MARCHF8: variants seen among roughly 807,000 people sequenced by gnomAD.
The protein encoded by MARCHF8 is membrane associated ring-CH-type finger 8.
A neutral mutation model predicts 51.6 loss-of-function variants in MARCHF8; 40 were observed. The ratio of observed to expected loss-of-function variants is 0.77; its 90% confidence interval spans 0.60 to 1.01. The LOEUF is 1.01. Ranked by LOEUF, MARCHF8 falls within the 50% of genes least tolerant of loss-of-function variation. The probability of loss-of-function intolerance (pLI) is 0.00; values close to 1 mark genes in which losing one functional copy is unlikely to be tolerated. For missense variants in MARCHF8, 685 were observed against 708.6 expected, an observed-to-expected ratio of 0.97 and a Z score of 0.38; for synonymous variants, 263 against 280.3, an observed-to-expected ratio of 0.94 and a Z score of 0.62.
chr10:45,578,303 C>T (rs575448444), intron 1 of MARCHF8, among the ~76,000 whole-genome samples: 2 of 152,248 alleles, frequency 1.3e-5, no homozygotes, highest in South Asian at 4.1e-4. Context: ...TCAAAGAATT[C>T]TGGAGACATA....
intron 3 of MARCHF8, among the ~76,000 whole-genome samples, chr10:45,482,399 C>T (rs2042903918): frequency 2.0e-5 from 3 of 152,154 alleles, no homozygotes; most frequent in Admixed American, 1.3e-4. Context: ...GATCACACTG[C>T]CTGACTTCAA....
At chr10:45,460,114 C>A (rs17523660) in intron 6 of MARCHF8, among the ~76,000 whole-genome samples, 1,739 of 152,256 alleles carry the variant, frequency 0.011, 20 homozygotes, top group Non-Finnish European at 0.014. Context: ...TTTGCACAAG[C>A]CTTCTCTAAA....
At chr10:45,471,635 A>G (rs1429003722) in intron 3 of MARCHF8, among the ~76,000 whole-genome samples, 1 of 152,228 alleles carries the variant, frequency 6.6e-6, no homozygotes, top group Admixed American at 6.5e-5. Context: ...CTCTGAGAGA[A>G]TTCTGGGGCA....
chr10:45,543,633 C>A (rs1381245204), intron 1 of MARCHF8, among the ~76,000 whole-genome samples: 1 of 151,116 alleles, frequency 6.6e-6, no homozygotes, highest in Non-Finnish European at 1.5e-5. Flanking sequence ...CCTGTCTTTA[C>A]TAAAAATACA....
intron 1 of MARCHF8, among the ~76,000 whole-genome samples, chr10:45,587,688 TAA>T (rs1390977336): frequency 3.9e-5 from 6 of 152,178 alleles, no homozygotes; most frequent in Non-Finnish European, 8.8e-5. Context: ...AAACCTCATA[TAA>T]AGTTATAGAT....
intron 2 of MARCHF8, among the ~76,000 whole-genome samples, chr10:45,516,123 T>G (rs959775993): frequency 6.6e-6 from 1 of 152,220 alleles, no homozygotes. Context: ...AATGTGTCCC[T>G]TCTTCCACTT....
intron 3 of MARCHF8, among the ~76,000 whole-genome samples, chr10:45,486,474 G>A (rs1020830597): frequency 2.0e-4 from 30 of 152,274 alleles, no homozygotes; most frequent in African/African-American, 6.0e-4. Context: ...TGAGGCAGGA[G>A]AATTGCTTAA....
At chr10:45,537,690 G>C (rs1360732017), upstream of MARCHF8, among the ~76,000 whole-genome samples, 1 of 150,988 alleles carries the variant, frequency 6.6e-6, no homozygotes, top group East Asian at 1.9e-4. Context: ...ATTATACTAA[G>C]AAGCCAGTCA....
At chr10:45,483,874 AT>A (rs2042933070) in intron 3 of MARCHF8, among the ~76,000 whole-genome samples, 1 of 152,224 alleles carries the variant, frequency 6.6e-6, no homozygotes, top group Non-Finnish European at 1.5e-5. Context: ...AAGTAGAATT[AT>A]AGGTACTAGA....
In MARCHF8 at chr10:45,457,568, G is replaced by A. The variant is rs1351028354; in HGVS notation, c.*671C>T. The A allele has an allele frequency of 1.3e-5, 2 of 152,646 alleles. No individual in the cohort carries two copies. The highest frequency in any genetic ancestry group is 2.4e-5 in the African/African-American group (1 of 41,456). The allele number at this position is 152,646 out of a possible 1,614,324, so 9.5% of individuals were successfully genotyped here. Reference sequence around the variant, plus strand: ...CTCATGATGTAAAGGAGATACAAAGGTAAGGAAGGGAAGATTTCTAAGTGA... The same window carrying A: ...CTCATGATGTAAAGGAGATACAAAGATAAGGAAGGGAAGATTTCTAAGTGA... On this transcript the variant is annotated 3_prime_UTR_variant, in exon 8 of 8. Transcript: ENST00000453424.
rs1213538449 is a variant in MARCHF8, at chr10:45,456,182, T to C, written c.*2057A>G. ...AGTTCCTAAGGGACATTGGCAGGGC[T>C]GACCTGGGATTCAGCTCCCCTGAGT... is the stretch of plus-strand genomic sequence containing the variant. On this transcript the variant is annotated 3_prime_UTR_variant, in exon 8 of 8. Coordinates refer to ENST00000453424, the MANE Select transcript of MARCHF8 (RefSeq NM_001282866.2). The C allele has an allele frequency of 6.6e-6, 1 of 152,348 alleles. No individual in the cohort carries two copies. Among genetic ancestry groups the C allele is most frequent in the East Asian group, 1.9e-4 (1 of 5,198 alleles). 9.4% of individuals were successfully genotyped at this position (152,348 alleles called of 1,614,324 possible). A position where few individuals can be genotyped will look rare whatever the true frequency, so the allele number is the denominator to read the frequency against.
At chr10:45,479,173 T>G (rs985169320) in intron 3 of MARCHF8, among the ~76,000 whole-genome samples, 3 of 152,236 alleles carry the variant, frequency 2.0e-5, no homozygotes, top group Non-Finnish European at 4.4e-5. Flanking sequence ...ATCCCTAGGA[T>G]GCAAGGGTCT....
intron 3 of MARCHF8, among the ~76,000 whole-genome samples, chr10:45,468,307 AGT>A (rs1280276166): frequency 6.6e-6 from 1 of 152,188 alleles, no homozygotes; most frequent in Non-Finnish European, 1.5e-5. Context: ...CAGCTATAGC[AGT>A]GTGTTTACCC....
At chr10:45,491,803 C>G (rs183200805) in intron 2 of MARCHF8, among the ~76,000 whole-genome samples, 1 of 152,334 alleles carries the variant, frequency 6.6e-6, no homozygotes, top group East Asian at 1.9e-4. Flanking sequence ...CTTGGATTAT[C>G]TGTACAGAAA....
chr10:45,561,094 T>C (rs191632753), intron 1 of MARCHF8, among the ~76,000 whole-genome samples: 7 of 152,198 alleles, frequency 4.6e-5, no homozygotes, highest in African/African-American at 1.7e-4. Flanking sequence ...GTCTAGTGCA[T>C]TCAAATATGG....
rs550991720 is a variant in MARCHF8 at position 45,482,441 on chromosome 10, T to C, written c.153+6926A>G. On this transcript the variant is annotated intron_variant, in intron 3 of 7. Coordinates refer to ENST00000453424, the MANE Select transcript of MARCHF8 (RefSeq NM_001282866.2). ...TTACACAAGGCTACAGAAACCAAAA[T>C]AAGCATGGTGTTGTTATAAAAACAG... Among the ~76,000 whole-genome samples, 28 of 152,130 alleles carry C rather than the reference T, an allele frequency of 1.8e-4. 1 individual carries two copies. Among genetic ancestry groups the C allele is most frequent in the Admixed American group, 1.2e-3 (19 of 15,272 alleles).
chr10:45,544,977 T>A (rs2044102215), intron 1 of MARCHF8, among the ~76,000 whole-genome samples: 1 of 152,150 alleles, frequency 6.6e-6, no homozygotes, highest in South Asian at 2.1e-4. Flanking sequence ...TCCCAGCACC[T>A]TACCATCACA....
intron 2 of MARCHF8, among the ~76,000 whole-genome samples, chr10:45,516,847 C>T (rs1272760588): frequency 3.3e-5 from 5 of 152,124 alleles, no homozygotes; most frequent in Admixed American, 1.3e-4. Flanking sequence ...TTAGTCCAAC[C>T]CAATCCAGAG....
chr10:45,542,747 T>G (rs1295757964), intron 1 of MARCHF8, among the ~76,000 whole-genome samples: 4 of 152,194 alleles, frequency 2.6e-5, no homozygotes, highest in Non-Finnish European at 5.9e-5. Flanking sequence ...TTCTGAAGAA[T>G]TCAATGGAGA....
Sources: allele counts gnomAD v4.1 joint callset (sites outside exome capture counted in the v4.1 genomes callset), GRCh38; gene constraint gnomAD v4.1.1; transcripts MANE v1.5; gene names NCBI Gene and HGNC (gene_info 2026-07-23, HGNC 2026-07-21).